DPEP2: variants seen among roughly 807,000 people sequenced by gnomAD.
The protein encoded by DPEP2 is dipeptidase 2.
Under a neutral mutation model 51.8 loss-of-function variants are expected in DPEP2, and 45 were observed. That is an observed-to-expected ratio of 0.87 (90% CI 0.68 to 1.11). The LOEUF (loss-of-function observed/expected upper bound fraction) is 1.11. DPEP2 is among the 50% of genes most tolerant of loss of function. The pLI, the probability that DPEP2 is intolerant of heterozygous loss-of-function variation, is 0.00. For synonymous variants in DPEP2, 255 were observed against 262.7 expected (o/e 0.97, Z 0.28); for missense variants, 604 against 631.9 (o/e 0.96, Z 0.47).
At chr16:67,992,928 C>T in intron 2 of DPEP2, 22 bp downstream of exon 2, 5 of 1,599,086 alleles carry the variant, frequency 3.1e-6, no homozygotes, top group Non-Finnish European at 4.3e-6. Context: ...GCTCCCATCG[C>T]CCCCTTGCAG....
chr16:67,991,374 T>C lies in DPEP2; in HGVS notation c.663-190A>G, dbSNP rs929821041. ...TCCAGTCTTTTTTTTCCTTTTCTTT[T>C]TTTTTTTTTTTTGGCAATAGAGTCT... is the stretch of plus-strand genomic sequence containing the variant. On this transcript the variant is annotated intron_variant, in intron 5 of 10. Coordinates refer to ENST00000393847, the MANE Select transcript of DPEP2 (RefSeq NM_022355.4). The surrounding 1 kb of genome is among the most constrained non-coding windows in gnomAD (Gnocchi z 5.1). Among the ~76,000 whole-genome samples, 4 of 150,634 alleles carry C rather than the reference T, an allele frequency of 2.7e-5. No individual in the cohort carries two copies. The highest frequency in any genetic ancestry group is 7.3e-5 in the African/African-American group (3 of 41,144).
chr16:67,999,668 T>C (rs2032916183), upstream of DPEP2: 1 of 186,724 alleles, frequency 5.4e-6, no homozygotes, highest in Non-Finnish European at 1.0e-5. Context: ...ATGCCTGTAA[T>C]CCCAGTAATT....
At chr16:68,000,612 C>T (rs1470448736), upstream of DPEP2, 2 of 497,614 alleles carry the variant, frequency 4.0e-6, no homozygotes, top group Non-Finnish European at 5.2e-6. Flanking sequence ...AGCCTGGCCA[C>T]TGTAGACAAA....
At chr16:67,997,876 C>T (rs565480780) in intron 1 of DPEP2, among the ~76,000 whole-genome samples, 177 of 152,312 alleles carry the variant, frequency 1.2e-3, no homozygotes, top group Non-Finnish European at 2.2e-3. Context: ...TCAGCGGTGA[C>T]ACTTAAGGTC....
intron 9 of DPEP2, among the ~76,000 whole-genome samples, chr16:67,988,413 GGAAAGAAAGGAAA>G (rs1414245761): frequency 1.5e-5 from 2 of 136,002 alleles, no homozygotes; most frequent in African/African-American, 7.1e-5. Flanking sequence ...AAGAAAGAAA[GGAAAGAAAGGAAA>G]GAAAGAAAGA....
Position 67,998,506 on chromosome 16 carries a change from A to G in DPEP2, c.-46+869T>C, listed in dbSNP as rs538533330. On this transcript the variant is annotated intron_variant, in intron 1 of 10. Coordinates refer to ENST00000393847, the MANE Select transcript of DPEP2 (RefSeq NM_022355.4). ...CATGCCTGAGCCTCCCACCCCCTCC[A>G]TGGGCTCCTGTGCGGCCGGAGCCTC... 7.9e-5 allele frequency among the ~76,000 whole-genome samples: 12 copies of G among 152,188 alleles called. No homozygotes were observed. In the South Asian group the frequency reaches 2.3e-3, roughly 29 times the overall value.
rs1409424081 is a variant in DPEP2 at position 67,993,935 on chromosome 16, C to A, written c.-45-678G>T. The A allele has an allele frequency of 9.1e-6, 9 of 985,460 alleles. No individual in the cohort carries two copies. In the East Asian group the frequency reaches 9.1e-4, roughly 99 times the overall value. 61.0% of individuals were successfully genotyped at this position (985,460 alleles called of 1,614,324 possible). A position where few individuals can be genotyped will look rare whatever the true frequency, so the allele number is the denominator to read the frequency against. ...ACTAGGACCTGTCAGGAGCACTCCT[C>A]CGCCCCCCGCCCCGACCGCACATTC... On this transcript the variant is annotated intron_variant, in intron 1 of 10. Transcript: ENST00000393847.
At chr16:68,000,445 TACTC>T, upstream of DPEP2, 1 of 985,318 alleles carries the variant, frequency 1.0e-6, no homozygotes. Context: ...AGCTGGGGCT[TACTC>T]AGTATCCAGC....
Position 67,999,482 on chromosome 16 carries a change from T to C in DPEP2, c.-153A>G. 2.0e-6 allele frequency: 2 copies of C among 987,818 alleles called. No individual in the cohort carries two copies. Among genetic ancestry groups the C allele is most frequent in the Non-Finnish European group, 2.4e-6 (2 of 831,698 alleles). 61.2% of individuals were successfully genotyped at this position (987,818 alleles called of 1,614,324 possible). A position where few individuals can be genotyped will look rare whatever the true frequency, so the allele number is the denominator to read the frequency against. On this transcript the variant is annotated 5_prime_UTR_variant, in exon 1 of 11. Coordinates refer to ENST00000393847, the MANE Select transcript of DPEP2 (RefSeq NM_022355.4). ...ACACTAAGACAAGATTTCACTAGTG[T>C]GTGCTGTTTCCCCTGCAAGGGGGAG...
In DPEP2 at chr16:67,987,545, T is replaced by G. The variant is rs2031538711; in HGVS notation, c.1422A>C (p.Ala474=). 1 of 1,614,006 alleles carries G rather than the reference T, an allele frequency of 6.2e-7. No homozygotes were observed. The highest frequency in any genetic ancestry group is 1.7e-5 in the Admixed American group (1 of 59,990). Residue 474 remains alanine, a synonymous_variant, in exon 11 of 11, where the codon GCA becomes GCC. Transcript: ENST00000393847. The part of the protein sequence containing the change: ...ESSPHMAPVL[A]VVATFPVLIL... Reference sequence around the variant, plus strand: ...TAAGGACTGGGAAGGTGGCCACAACTGCAAGGACTGGGGCCATGTGGGGGG... The same window carrying G: ...TAAGGACTGGGAAGGTGGCCACAACGGCAAGGACTGGGGCCATGTGGGGGG...
chr16:67,989,350 A>G lies in DPEP2; in HGVS notation c.1043T>C (p.Ile348Thr). The change falls in exon 9 of 11, where the codon ATT becomes ACT. Residue 348 changes from isoleucine (I) to threonine (T), a missense_variant. Ile to Thr is a moderately conservative substitution (Grantham distance 89). Coordinates refer to ENST00000393847, the MANE Select transcript of DPEP2 (RefSeq NM_022355.4). ...KAVIGSKFIG[I>T]GGDYDGAGKF... ...GCCGGCCCCATCATAATCTCCACCA[A>G]TCCCGATGAACTTGGATCCAATGAC... is the stretch of plus-strand genomic sequence containing the variant. 1 of 1,614,106 alleles carries G rather than the reference A, an allele frequency of 6.2e-7. No individual in the cohort carries two copies. Among genetic ancestry groups the G allele is most frequent in the East Asian group, 2.2e-5 (1 of 44,884 alleles).
At chr16:67,998,431 G>C (rs187192009) in intron 1 of DPEP2, among the ~76,000 whole-genome samples, 122 of 152,322 alleles carry the variant, frequency 8.0e-4, no homozygotes, top group Middle Eastern at 3.4e-3. Flanking sequence ...ACTTCTCACC[G>C]GGCCTTAGCT....
At chr16:67,994,083 C>T in intron 1 of DPEP2, 2 of 985,518 alleles carry the variant, frequency 2.0e-6, no homozygotes, top group Non-Finnish European at 2.4e-6. Flanking sequence ...CTCAACAGAG[C>T]AGGAACCCAC....
intron 1 of DPEP2, among the ~76,000 whole-genome samples, chr16:67,995,658 T>A (rs1228827443): frequency 6.6e-6 from 1 of 152,126 alleles, no homozygotes; most frequent in Admixed American, 6.6e-5. Context: ...CATTATGTGT[T>A]ATATGTATTG....
At chr16:67,994,180 G>T in intron 1 of DPEP2, 1 of 985,414 alleles carries the variant, frequency 1.0e-6, no homozygotes, top group Non-Finnish European at 1.2e-6. Flanking sequence ...GCTTCTGGCT[G>T]ATCTGCTGGC....
In DPEP2 at chr16:67,987,614, G is replaced by C; in HGVS notation, c.1353C>G (p.His451Gln). Reference protein sequence around the residue: ...SGQELTEIPIHWTAKLPAKWS... With the variant: ...SGQELTEIPIQWTAKLPAKWS... Reference sequence around the variant, plus strand: ...ACTTGGCTGGTAACTTGGCTGTCCAGTGTATGGGAATCTCAGTGAGTTCCT... The same window carrying C: ...ACTTGGCTGGTAACTTGGCTGTCCACTGTATGGGAATCTCAGTGAGTTCCT... The change falls in exon 11 of 11, where the codon CAC (histidine) becomes CAG (glutamine). Residue 451 changes from histidine (H) to glutamine (Q), a missense_variant. Transcript: ENST00000393847. The C allele has an allele frequency of 6.2e-7, 1 of 1,614,216 alleles. No individual in the cohort carries two copies. Among genetic ancestry groups the C allele is most frequent in the Non-Finnish European group, 8.5e-7 (1 of 1,180,036 alleles).
upstream of DPEP2, chr16:68,000,302 T>A (rs2032946209): frequency 2.9e-6 from 1 of 349,682 alleles, no homozygotes; most frequent in Non-Finnish European, 4.0e-6. Flanking sequence ...AGGACCAAAC[T>A]TATTCTGGTG....
intron 1 of DPEP2, among the ~76,000 whole-genome samples, chr16:67,998,525 G>A (rs6499152): frequency 1.3e-5 from 2 of 152,188 alleles, no homozygotes; most frequent in African/African-American, 2.4e-5. Context: ...TGTGCGGCCG[G>A]AGCCTCCCCG....
At chr16:67,995,913 G>A (rs1444546834) in intron 1 of DPEP2, among the ~76,000 whole-genome samples, 2 of 151,964 alleles carry the variant, frequency 1.3e-5, no homozygotes, top group African/African-American at 4.8e-5. Context: ...GCAGTGAGCC[G>A]AGATTGGGCC....
Sources: allele counts gnomAD v4.1 joint callset (sites outside exome capture counted in the v4.1 genomes callset), GRCh38; gene constraint gnomAD v4.1.1; non-coding constraint Gnocchi (gnomAD v3.1); transcripts MANE v1.5; gene names NCBI Gene and HGNC (gene_info 2026-07-23, HGNC 2026-07-21).